Variants in KHDRBS2 observed in about 807,000 individuals in gnomAD.
KHDRBS2 encodes the protein KH domain-containing, RNA-binding, signal transduction-associated protein 2.
KHDRBS2 carries 26 observed loss-of-function variants against 44.3 expected under a neutral mutation model. The observed-to-expected ratio is 0.59, with a 90% CI of 0.43 to 0.81. The LOEUF is 0.81. KHDRBS2 is among the 40% of genes least tolerant of loss of function. KHDRBS2 has a pLI of 0.00. For missense variants in KHDRBS2, 476 were observed against 433.1 expected (o/e 1.10, Z -0.88); for synonymous variants, 194 against 151.1 (o/e 1.28, Z -2.08).
chr6:61,791,414 T>C (rs1468353143), intron 6 of KHDRBS2, among the ~76,000 whole-genome samples: 1 of 151,526 alleles, frequency 6.6e-6, no homozygotes, highest in Non-Finnish European at 1.5e-5. Context: ...TCTCAAGTTT[T>C]AACGTGTAAG....
chr6:62,242,334 C>T (rs1244027803), intron 1 of KHDRBS2, among the ~76,000 whole-genome samples: 1 of 152,134 alleles, frequency 6.6e-6, no homozygotes, highest in Non-Finnish European at 1.5e-5. Context: ...CTTCCACTTA[C>T]TGAAAATAAA....
chr6:61,555,712 C>A, the KHDRBS2 span, among the ~76,000 whole-genome samples: 4 of 152,164 alleles, frequency 2.6e-5, no homozygotes, highest in East Asian at 3.9e-4. Context: ...TTCTTTGATG[C>A]CCTTAGGGGT....
At chr6:61,595,809 T>C in the KHDRBS2 span, among the ~76,000 whole-genome samples, 1 of 151,730 alleles carries the variant, frequency 6.6e-6, no homozygotes, top group Non-Finnish European at 1.5e-5. Context: ...AACTAATGTT[T>C]TAGTATTTAA....
intron 3 of KHDRBS2, among the ~76,000 whole-genome samples, chr6:62,036,011 A>T (rs1459538986): frequency 6.6e-6 from 1 of 151,970 alleles, no homozygotes; most frequent in Non-Finnish European, 1.5e-5. Context: ...TCCTCCTAAA[A>T]AGAATATTCC....
At chr6:61,953,758 C>T (rs778847373) in intron 4 of KHDRBS2, among the ~76,000 whole-genome samples, 4 of 152,100 alleles carry the variant, frequency 2.6e-5, no homozygotes, top group Non-Finnish European at 4.4e-5. Flanking sequence ...GATAGTGCCA[C>T]GACCTCTCTG....
intron 4 of KHDRBS2, among the ~76,000 whole-genome samples, chr6:61,903,823 C>T (rs1019710450): frequency 3.3e-5 from 5 of 152,084 alleles, no homozygotes; most frequent in Admixed American, 1.3e-4. Flanking sequence ...TGAGAGGTAA[C>T]GTGAAGAAAG....
chr6:62,208,925 C>T (rs1281487644), intron 1 of KHDRBS2, among the ~76,000 whole-genome samples: 1 of 152,160 alleles, frequency 6.6e-6, no homozygotes, highest in East Asian at 1.9e-4. Context: ...GGAAAAGCCC[C>T]TTGACATGGA....
chr6:61,958,989 A>T (rs9453740), intron 4 of KHDRBS2, among the ~76,000 whole-genome samples: 13 of 152,104 alleles, frequency 8.5e-5, no homozygotes, highest in African/African-American at 2.7e-4. Flanking sequence ...AATGCACTTC[A>T]GTATCAATGG....
intron 6 of KHDRBS2, among the ~76,000 whole-genome samples, chr6:61,748,646 A>G (rs1367082395): frequency 6.6e-6 from 1 of 152,240 alleles, no homozygotes; most frequent in Non-Finnish European, 1.5e-5. Context: ...AGTTTGCCAT[A>G]CAGAGACCAA....
At chr6:62,041,308 G>T (rs1786448862) in intron 3 of KHDRBS2, among the ~76,000 whole-genome samples, 1 of 152,000 alleles carries the variant, frequency 6.6e-6, no homozygotes, top group Admixed American at 6.6e-5. Context: ...TCTAGCCTGG[G>T]CAGCAAGAAT....
At chr6:61,765,861 A>G (rs1779935908) in intron 6 of KHDRBS2, among the ~76,000 whole-genome samples, 3 of 152,046 alleles carry the variant, frequency 2.0e-5, no homozygotes. Context: ...TCTTTTTAGT[A>G]TGTCTTTGAA....
chr6:61,559,591 T>G, the KHDRBS2 span, among the ~76,000 whole-genome samples: 1 of 152,320 alleles, frequency 6.6e-6, no homozygotes, highest in Non-Finnish European at 1.5e-5. Context: ...GTTTTTTCAT[T>G]TGAAGTAACC....
At chr6:61,844,485 A>G (rs1335678398) in intron 6 of KHDRBS2, among the ~76,000 whole-genome samples, 1 of 152,150 alleles carries the variant, frequency 6.6e-6, no homozygotes, top group Non-Finnish European at 1.5e-5. Context: ...ACACATTCTT[A>G]TAATGATCCT....
chr6:62,071,167 G>A (rs543924344), intron 2 of KHDRBS2, among the ~76,000 whole-genome samples: 18 of 152,090 alleles, frequency 1.2e-4, no homozygotes, highest in South Asian at 4.2e-4. Context: ...CATGTCCTTC[G>A]CCCACTTGTT....
At chr6:62,233,704 C>G (rs1479580105) in intron 1 of KHDRBS2, among the ~76,000 whole-genome samples, 5 of 152,036 alleles carry the variant, frequency 3.3e-5, no homozygotes, top group African/African-American at 1.2e-4. Flanking sequence ...GTGTTCTCAT[C>G]GTTTAGCACC....
chr6:61,678,767 C>T (rs977256914), downstream of KHDRBS2: 1 of 151,856 alleles, frequency 6.6e-6, no homozygotes, highest in African/African-American at 2.4e-5. Context: ...CAACCTAAGC[C>T]TTTTCAGTAG....
Position 62,109,333 on chromosome 6 carries a change from A to G in KHDRBS2, c.220-61339T>C, listed in dbSNP as rs796549703. On this transcript the variant is annotated intron_variant, in intron 2 of 8. Coordinates refer to ENST00000281156, the MANE Select transcript of KHDRBS2 (RefSeq NM_152688.4). ...AAAAAAGTACTTTCCAATCTAGAAA[A>G]AATGAAAATTCCTTATTTTTTTCAA... 9.9e-5 allele frequency among the ~76,000 whole-genome samples: 15 copies of G among 152,206 alleles called. 1 individual carries two copies. Among genetic ancestry groups the G allele is most frequent in the African/African-American group, 3.6e-4 (15 of 41,564 alleles).
chr6:62,184,521 TA>T (rs1450500016), intron 1 of KHDRBS2, among the ~76,000 whole-genome samples: 2 of 151,742 alleles, frequency 1.3e-5, no homozygotes, highest in African/African-American at 4.8e-5. Flanking sequence ...AAAAAGAATG[TA>T]AAAATTGAGG....
At chr6:61,894,121 C>T (rs1802493381) in intron 6 of KHDRBS2, among the ~76,000 whole-genome samples, 1 of 152,082 alleles carries the variant, frequency 6.6e-6, no homozygotes, top group Non-Finnish European at 1.5e-5. Flanking sequence ...GGAAACACTG[C>T]ATTTTGTCTA....
Sources: allele counts gnomAD v4.1 joint callset (sites outside exome capture counted in the v4.1 genomes callset), GRCh38; gene constraint gnomAD v4.1.1; transcripts MANE v1.5; gene names NCBI Gene and HGNC (gene_info 2026-07-23, HGNC 2026-07-21).